GABRG3: variants seen among roughly 807,000 people sequenced by gnomAD.
GABRG3 encodes gamma-aminobutyric acid receptor subunit gamma-3.
Under a neutral mutation model 48.8 loss-of-function variants are expected in GABRG3, and 25 were observed. The ratio of observed to expected loss-of-function variants is 0.51; its 90% CI spans 0.37 to 0.72. The LOEUF is 0.72. Ranked by LOEUF, GABRG3 falls within the 30% of genes least tolerant of loss-of-function variation. GABRG3 has a pLI of 0.00. For synonymous variants in GABRG3, 227 were observed against 217.6 expected (o/e 1.04, Z -0.38); for missense variants, 394 against 577.9 (o/e 0.68, Z 3.26).
chr15:27,424,308 A>G (rs1888223166), intron 5 of GABRG3, among the ~76,000 whole-genome samples: 1 of 152,146 alleles, frequency 6.6e-6, no homozygotes, highest in African/African-American at 2.4e-5. Context: ...TAATTTATAA[A>G]TAACAGAATT....
Position 27,209,028 on chromosome 15 carries a change from C to G in GABRG3, c.271-117781C>G, listed in dbSNP as rs12593313. On this transcript the variant is annotated intron_variant, in intron 3 of 9. Coordinates refer to ENST00000615808, the MANE Select transcript of GABRG3 (RefSeq NM_033223.5). The stretch of plus-strand genomic sequence containing the variant: ...AGCCTGGCGGACCTTGTTGCTGATG[C>G]TTCCTCCCCACATGGAAATGGAGAC... Among the ~76,000 whole-genome samples the G allele has an allele frequency of 9.6e-4, 147 of 152,340 alleles. 1 individual carries two copies. The East Asian group carries it at 0.025, about 26-fold the overall frequency.
chr15:27,531,946 G>A (rs1365521695), intron 9 of GABRG3, among the ~76,000 whole-genome samples: 1 of 152,156 alleles, frequency 6.6e-6, no homozygotes, highest in Non-Finnish European at 1.5e-5. Flanking sequence ...TCTTGAGATG[G>A]TAAGCGGTGT....
At chr15:27,081,780 C>A (rs866294903) in intron 3 of GABRG3, among the ~76,000 whole-genome samples, 5 of 152,314 alleles carry the variant, frequency 3.3e-5, no homozygotes, top group Admixed American at 1.3e-4. Context: ...CTGTGGTCGA[C>A]CCCGCTCCCC....
intron 3 of GABRG3, among the ~76,000 whole-genome samples, chr15:27,110,065 T>C (rs1897520034): frequency 6.6e-6 from 1 of 152,220 alleles, no homozygotes; most frequent in Non-Finnish European, 1.5e-5. Flanking sequence ...AAAAATCTTT[T>C]AACTGTTTTC....
chr15:27,466,995 C>T (rs2150838395), intron 5 of GABRG3, among the ~76,000 whole-genome samples: 1 of 152,304 alleles, frequency 6.6e-6, no homozygotes, highest in Non-Finnish European at 1.5e-5. Flanking sequence ...GCCTGGAACA[C>T]TGCTGTGCAT....
At chr15:27,069,688 T>C (rs1030880778) in intron 3 of GABRG3, among the ~76,000 whole-genome samples, 2 of 152,262 alleles carry the variant, frequency 1.3e-5, no homozygotes, top group South Asian at 4.1e-4. Flanking sequence ...CTGTATACTT[T>C]ACTGGATCTT....
At chr15:27,507,583 T>C (rs142320887) in intron 6 of GABRG3, among the ~76,000 whole-genome samples, 1 of 152,310 alleles carries the variant, frequency 6.6e-6, no homozygotes, top group Non-Finnish European at 1.5e-5. Flanking sequence ...GAATATGTTC[T>C]ATTTTGCCGA....
chr15:27,306,246 A>T (rs866716303), intron 3 of GABRG3, among the ~76,000 whole-genome samples: 4 of 128,800 alleles, frequency 3.1e-5, no homozygotes, highest in South Asian at 2.3e-4. Context: ...TATAAACATA[A>T]TATAAACATG....
chr15:27,128,275 T>C (rs994470753), intron 3 of GABRG3, among the ~76,000 whole-genome samples: 2 of 152,242 alleles, frequency 1.3e-5, no homozygotes, highest in Non-Finnish European at 2.9e-5. Flanking sequence ...TTGTGGCTGC[T>C]GTGGTGCTGT....
intron 9 of GABRG3, among the ~76,000 whole-genome samples, chr15:27,528,537 G>A (rs371623298): frequency 6.6e-6 from 1 of 152,214 alleles, no homozygotes; most frequent in East Asian, 1.9e-4. Context: ...ATTCCTAGGA[G>A]CAGAATGTTT....
chr15:27,349,950 A>G (rs1894501820), intron 5 of GABRG3, among the ~76,000 whole-genome samples: 1 of 26,110 alleles, frequency 3.8e-5, no homozygotes, highest in East Asian at 1.2e-3. Context: ...TTTTTTCTTC[A>G]GTGACAATAA....
chr15:27,148,916 T>C (rs1280196650), intron 3 of GABRG3, among the ~76,000 whole-genome samples: 1 of 152,014 alleles, frequency 6.6e-6, no homozygotes, highest in African/African-American at 2.4e-5. Context: ...AGTCTAAAAG[T>C]GTCCATCTTA....
intron 6 of GABRG3, among the ~76,000 whole-genome samples, chr15:27,495,024 CTT>C (rs1255470100): frequency 6.6e-6 from 1 of 152,146 alleles, no homozygotes; most frequent in Non-Finnish European, 1.5e-5. Context: ...AGTTTGATGT[CTT>C]TTATTTCACA....
intron 3 of GABRG3, among the ~76,000 whole-genome samples, chr15:27,039,994 C>T (rs1896247323): frequency 6.6e-6 from 1 of 152,250 alleles, no homozygotes; most frequent in African/African-American, 2.4e-5. Flanking sequence ...TCCCTCCATC[C>T]CACTTAATTC....
chr15:27,282,400 C>T (rs969374928), intron 3 of GABRG3, among the ~76,000 whole-genome samples: 1 of 152,116 alleles, frequency 6.6e-6, no homozygotes, highest in African/African-American at 2.4e-5. Context: ...TTCTTATTTC[C>T]CCAGTATCTT....
chr15:26,992,156 T>G (rs1395921729), intron 2 of GABRG3, among the ~76,000 whole-genome samples: 1 of 152,252 alleles, frequency 6.6e-6, no homozygotes, highest in Non-Finnish European at 1.5e-5. Context: ...CTTCCAAATA[T>G]AAGATCATAT....
At chr15:27,138,428 T>C (rs1037987460) in intron 3 of GABRG3, among the ~76,000 whole-genome samples, 2 of 152,232 alleles carry the variant, frequency 1.3e-5, no homozygotes, top group African/African-American at 2.4e-5. Context: ...TGTTTTTCCT[T>C]GGACTAAAAA....
At chr15:27,460,993 C>T (rs1889430987) in intron 5 of GABRG3, among the ~76,000 whole-genome samples, 1 of 152,182 alleles carries the variant, frequency 6.6e-6, no homozygotes, top group African/African-American at 2.4e-5. Flanking sequence ...AAACAGGTCT[C>T]TGCTCGTTCC....
chr15:27,071,195 T>C (rs1293889730), intron 3 of GABRG3, among the ~76,000 whole-genome samples: 1 of 152,186 alleles, frequency 6.6e-6, no homozygotes, highest in Non-Finnish European at 1.5e-5. Flanking sequence ...GTTGATATTG[T>C]CATTTTGACC....
Sources: allele counts gnomAD v4.1 joint callset (sites outside exome capture counted in the v4.1 genomes callset), GRCh38; gene constraint gnomAD v4.1.1; transcripts MANE v1.5; gene names NCBI Gene and HGNC (gene_info 2026-07-23, HGNC 2026-07-21).